Variants in SPINDOC observed in about 807,000 individuals in gnomAD.
SPINDOC encodes spindlin interactor and repressor of chromatin-binding protein.
In SPINDOC, 13 loss-of-function variants were observed where a neutral mutation model predicts 30.7. The ratio of observed to expected loss-of-function variants is 0.42; its 90% CI spans 0.28 to 0.67. The LOEUF (loss-of-function observed/expected upper bound fraction) is 0.67, where lower values mean the gene tolerates loss of function less well. Among genes scored for constraint, SPINDOC ranks in the 30% least tolerant of loss-of-function variants. The pLI, the probability that SPINDOC is intolerant of heterozygous loss-of-function variation, is 0.22. For missense variants in SPINDOC, 438 were observed against 518.0 expected (o/e 0.85, Z 1.50); for synonymous variants, 228 against 211.4 (o/e 1.08, Z -0.68).
chr11:63,826,841 G>A, intron 5 of SPINDOC, 87 bp from the exon 6 acceptor site: 1 of 705,658 alleles, frequency 1.4e-6, no homozygotes. Context: ...TGGAAATGTG[G>A]GTACAGTTTG....
At chr11:63,823,226 C>T (rs186902766) in intron 5 of SPINDOC, 26 of 1,287,980 alleles carry the variant, frequency 2.0e-5, no homozygotes, top group Middle Eastern at 2.1e-4. Context: ...TGGTTTCAGA[C>T]GATCTCACGA....
chr11:63,823,834 G>A (rs1190139457), intron 5 of SPINDOC, among the ~76,000 whole-genome samples: 3 of 151,776 alleles, frequency 2.0e-5, no homozygotes, highest in African/African-American at 4.8e-5. Context: ...TCCTGACCTC[G>A]TGATCTGCCC....
At position 63,818,720 on chromosome 11, in the gene SPINDOC, G is replaced by A. The variant is rs970033853; in HGVS notation, c.733+68G>A. 14 of 1,611,848 alleles carry A rather than the reference G, an allele frequency of 8.7e-6. No individual in the cohort carries two copies. Among genetic ancestry groups the A allele is most frequent in the African/African-American group, 1.3e-5 (1 of 74,934 alleles). ...GCTCTGAGGAAATCCGCATCAGTGA[G>A]GATGGAGCAGGGCCTGGGCGCAGGG... On this transcript the variant is annotated intron_variant, in intron 4 of 5. Transcript: ENST00000294244. The surrounding 1 kb of genome is among the most constrained non-coding windows in gnomAD (Gnocchi z 5.3).
rs976786952 is a variant in SPINDOC at position 63,823,380 on chromosome 11, G to A, written c.935-3548G>A. ...TGCCACTTTAAAAAAAATTAGAGGT[G>A]TAAAAATCGTGGATTTAACAGTTGG... On this transcript the variant is annotated intron_variant, in intron 5 of 5. Transcript: ENST00000294244. The A allele has an allele frequency of 1.1e-5, 13 of 1,173,964 alleles. No homozygotes were observed. The African/African-American group carries it at 2.1e-4, about 19-fold the overall frequency. 72.7% of individuals were successfully genotyped at this position (1,173,964 alleles called of 1,614,324 possible).
In SPINDOC at chr11:63,813,758, C is replaced by T; in HGVS notation, c.72C>T (p.Asp24=). ...EVTLKCEEGE[D]EEEAMVVAVI... is the part of the protein sequence containing the mutation. ...CGCTGAAATGCGAGGAAGGGGAGGACGAGGAGGAGGCCATGGTGGTGGCCG... is the reference window on the plus strand; with the variant it reads ...CGCTGAAATGCGAGGAAGGGGAGGATGAGGAGGAGGCCATGGTGGTGGCCG... Residue 24 remains aspartate, a synonymous_variant, in exon 1 of 6, where the codon GAC becomes GAT. Transcript: ENST00000294244. The T allele has an allele frequency of 6.3e-7, 1 of 1,592,480 alleles. No individual in the cohort carries two copies. The highest frequency in any genetic ancestry group is 8.5e-7 in the Non-Finnish European group (1 of 1,170,812).
intron 5 of SPINDOC, chr11:63,822,646 C>A (rs1475259169): frequency 1.6e-6 from 2 of 1,289,014 alleles, no homozygotes; most frequent in Non-Finnish European, 2.0e-6. Flanking sequence ...GCTTGAGTCA[C>A]ATTCCAGTCC....
Position 63,825,363 on chromosome 11 carries a change from CCT to C in SPINDOC, c.935-1564_935-1563del, listed in dbSNP as rs138228953. 2.5e-3 allele frequency among the ~76,000 whole-genome samples: 379 copies of C among 152,292 alleles called. 2 individuals are homozygous for C. The highest frequency in any genetic ancestry group is 8.7e-3 in the African/African-American group (363 of 41,566). On this transcript the variant is annotated intron_variant, in intron 5 of 5. Coordinates refer to ENST00000294244, the MANE Select transcript of SPINDOC (RefSeq NM_138471.3). ...CCTCTGCTCAAAATGCTGTTCCCTC[CCT>C]GTCTGCCTCACTGGCTCCTCACTCC...
In SPINDOC at chr11:63,817,936, G is replaced by A. The variant is rs778347823; in HGVS notation, c.259G>A (p.Gly87Arg). ...FLVGSSPGGS[G>R]RALCMVCGAE... ...GGTGGGCAGCAGCCCAGGAGGCAGC[G>A]GGCGGGCACTGTGCATGGTGTGTGG... is the stretch of plus-strand genomic sequence containing the variant. The change falls in exon 2 of 6, where the codon GGG becomes AGG. Residue 87 changes from glycine (G) to arginine (R), a missense_variant. By Grantham distance (125) the Gly-to-Arg change is moderately radical. Coordinates refer to ENST00000294244, the MANE Select transcript of SPINDOC (RefSeq NM_138471.3). 35 of 1,613,996 alleles carry A rather than the reference G, an allele frequency of 2.2e-5. No homozygotes were observed. Among genetic ancestry groups the A allele is most frequent in the South Asian group, 1.2e-4 (11 of 91,074 alleles).
Position 63,818,471 on chromosome 11 carries a change from T to C in SPINDOC, c.608-56T>C. 5 of 1,603,814 alleles carry C rather than the reference T, an allele frequency of 3.1e-6. No homozygotes were observed. The highest frequency in any genetic ancestry group is 4.2e-6 in the Non-Finnish European group (5 of 1,177,274). On this transcript the variant is annotated intron_variant, in intron 3 of 5. Transcript: ENST00000294244. This position sits in a 1 kb window ranked among gnomAD's most constrained non-coding sequence, Gnocchi z 5.3. Reference sequence around the variant, plus strand: ...GCAGGTATCTTCAGGAGCCCTGGGGTGGCAGGGTTCGGGGATGGCCTCTTT... The same window carrying C: ...GCAGGTATCTTCAGGAGCCCTGGGGCGGCAGGGTTCGGGGATGGCCTCTTT...
intron 5 of SPINDOC, among the ~76,000 whole-genome samples, chr11:63,826,534 C>T (rs939040677): frequency 6.6e-5 from 10 of 152,182 alleles, no homozygotes; most frequent in South Asian, 2.1e-4. Flanking sequence ...TGTTCCCACC[C>T]CATCACCTCT....
chr11:63,813,796 C>A lies in SPINDOC; in HGVS notation c.110C>A (p.Pro37His). The A allele has an allele frequency of 6.3e-7, 1 of 1,578,852 alleles. No individual in the cohort carries two copies. Among genetic ancestry groups the A allele is most frequent in the Non-Finnish European group, 8.6e-7 (1 of 1,163,566 alleles). ...ATGGTGGTGGCCGTAATTCCGCGGCCCGAGCCGATGCTCAGAGGTGAGGAT... is the reference window on the plus strand; with the variant it reads ...ATGGTGGTGGCCGTAATTCCGCGGCACGAGCCGATGCTCAGAGGTGAGGAT... ...EAMVVAVIPR[P>H]EPMLRVTQQE... is the part of the protein sequence containing the mutation. The change falls in exon 1 of 6, where the codon CCC becomes CAC. Residue 37 changes from proline (P) to histidine (H), a missense_variant. Physicochemically the swap from Pro to His is moderately conservative, Grantham distance 77. Around this residue, in one of 3 missense-constraint regions of SPINDOC, gnomAD observed 129 missense variants for 152.7 expected, o/e 0.84. Transcript: ENST00000294244.
intron 5 of SPINDOC, among the ~76,000 whole-genome samples, chr11:63,823,833 C>T (rs989003902): frequency 2.6e-5 from 4 of 151,900 alleles, no homozygotes; most frequent in Non-Finnish European, 4.4e-5. Flanking sequence ...CTCCTGACCT[C>T]GTGATCTGCC....
chr11:63,818,512 C>G lies in SPINDOC; in HGVS notation c.608-15C>G, dbSNP rs748355187. 6.2e-7 allele frequency: 1 copy of G among 1,610,346 alleles called. No individual in the cohort carries two copies. Among genetic ancestry groups the G allele is most frequent in the Non-Finnish European group, 8.5e-7 (1 of 1,179,758 alleles). On this transcript the variant is annotated splice_polypyrimidine_tract_variant and intron_variant, in intron 3 of 5. Transcript: ENST00000294244. This position sits in a 1 kb window ranked among gnomAD's most constrained non-coding sequence, Gnocchi z 5.3. ...TGGCCTCTTTAAAAGGGTATGAGGT[C>G]TTTTCTTTTTGCAGCTGTCCCTGCC...
rs1179164061 is a variant in SPINDOC at position 63,813,542 on chromosome 11, G to A, written c.-145G>A. On this transcript the variant is annotated 5_prime_UTR_variant, in exon 1 of 6. Coordinates refer to ENST00000294244, the MANE Select transcript of SPINDOC (RefSeq NM_138471.3). ...CCGGTCGCAGGCCCGGCCGGCGAGC[G>A]GCGGGCGGGCGGCGGGGAGGGGGCT... The A allele has an allele frequency of 6.3e-6, 4 of 638,232 alleles. No homozygotes were observed. Among genetic ancestry groups the A allele is most frequent in the Non-Finnish European group, 7.8e-6 (4 of 514,896 alleles). 39.5% of individuals were successfully genotyped at this position (638,232 alleles called of 1,614,324 possible). A position where few individuals can be genotyped will look rare whatever the true frequency, so the allele number is the denominator to read the frequency against.
chr11:63,823,371 A>T, intron 5 of SPINDOC: 3 of 1,176,556 alleles, frequency 2.5e-6, no homozygotes, highest in Non-Finnish European at 3.2e-6. Flanking sequence ...TTTAAAAAAA[A>T]TTAGAGGTGT....
intron 1 of SPINDOC, among the ~76,000 whole-genome samples, chr11:63,817,574 CCAAGACTAGAT>C (rs1446225408): frequency 6.6e-6 from 1 of 152,022 alleles, no homozygotes; most frequent in Non-Finnish European, 1.5e-5. Context: ...GTCCTAAGGT[CCAAGACTAGAT>C]CAAGAGGAAG....
intron 5 of SPINDOC, among the ~76,000 whole-genome samples, chr11:63,820,398 C>T (rs1316299687): frequency 3.7e-5 from 2 of 53,860 alleles, no homozygotes; most frequent in Non-Finnish European, 7.9e-5. Flanking sequence ...ACTCTGTCTC[C>T]AAAAAAAAAA....
At chr11:63,816,668 C>CATGG (rs2015348457) in intron 1 of SPINDOC, among the ~76,000 whole-genome samples, 1 of 152,112 alleles carries the variant, frequency 6.6e-6, no homozygotes, top group African/African-American at 2.4e-5. Context: ...CGTGAAGGAT[C>CATGG]ATGGGCACTT....
chr11:63,820,782 C>T lies in SPINDOC; in HGVS notation c.934+1780C>T, dbSNP rs60400325. Among the ~76,000 whole-genome samples the T allele has an allele frequency of 8.3e-3, 1,214 of 145,546 alleles. 19 individuals carry two copies. The highest frequency in any genetic ancestry group is 0.064 in the East Asian group (299 of 4,668). ...GCGCACGCCTGTAGTCCCAGCTACACGGGAGGCTGAGGCAGGAGAATGGCG... is the reference window on the plus strand; with the variant it reads ...GCGCACGCCTGTAGTCCCAGCTACATGGGAGGCTGAGGCAGGAGAATGGCG... On this transcript the variant is annotated intron_variant, in intron 5 of 5. Coordinates refer to ENST00000294244, the MANE Select transcript of SPINDOC (RefSeq NM_138471.3).
Sources: gnomAD v4.1 joint callset for allele counts (sites outside exome capture counted in the v4.1 genomes callset) on GRCh38, gnomAD v4.1.1 for gene constraint, gnomAD v4.1.1 regional missense constraint, Gnocchi (gnomAD v3.1) non-coding constraint, MANE v1.5 for transcripts, NCBI Gene and HGNC (gene_info 2026-07-23, HGNC 2026-07-21) for gene names.